Variants in HNRNPH3 observed in about 807,000 individuals in gnomAD.
HNRNPH3 encodes the protein heterogeneous nuclear ribonucleoprotein H3.
A neutral mutation model predicts 47.0 loss-of-function variants in HNRNPH3; 7 were observed. The observed-to-expected ratio is 0.15, with a 90% CI of 0.08 to 0.28. The LOEUF (loss-of-function observed/expected upper bound fraction) is 0.28, where lower values mean the gene tolerates loss of function less well. Ranked by LOEUF, HNRNPH3 falls within the 10% of genes least tolerant of loss-of-function variation. HNRNPH3 has a pLI of 1.00. For missense variants in HNRNPH3, 279 were observed against 449.6 expected (o/e 0.62, Z 3.43); for synonymous variants, 120 against 143.2 (o/e 0.84, Z 1.16).
intron 6 of HNRNPH3, among the ~76,000 whole-genome samples, chr10:68,340,381 T>G (rs569688537): frequency 6.6e-5 from 10 of 152,312 alleles, no homozygotes; most frequent in African/African-American, 2.2e-4. Flanking sequence ...TGGTTTGGCT[T>G]TCTAGGCTAG....
At chr10:68,334,088 T>A (rs2045393668) in intron 1 of HNRNPH3, among the ~76,000 whole-genome samples, 1 of 152,200 alleles carries the variant, frequency 6.6e-6, no homozygotes, top group Non-Finnish European at 1.5e-5. Flanking sequence ...CTGACTGAAC[T>A]GCAGTAGATA....
At chr10:68,340,939 T>C (rs1315221388) in intron 6 of HNRNPH3, among the ~76,000 whole-genome samples, 1 of 152,130 alleles carries the variant, frequency 6.6e-6, no homozygotes, top group Non-Finnish European at 1.5e-5. Context: ...GTAGCTGGGA[T>C]TACAGGCGTG....
intron 5 of HNRNPH3, 50 bp downstream of exon 5, chr10:68,339,276 T>C: frequency 6.3e-7 from 1 of 1,585,368 alleles, no homozygotes; most frequent in Non-Finnish European, 8.6e-7. Context: ...TTTTAGTATT[T>C]GCTTTGCAAG....
At chr10:68,341,707 G>C (rs1326623952) in intron 8 of HNRNPH3, 27 bp downstream of exon 8, 2 of 1,583,518 alleles carry the variant, frequency 1.3e-6, no homozygotes, top group African/African-American at 2.7e-5. Flanking sequence ...AAATATGCAG[G>C]GTTAGCTGCT....
At chr10:68,332,888 A>C (rs2045271559) in intron 1 of HNRNPH3, 1 of 152,186 alleles carries the variant, frequency 6.6e-6, no homozygotes, top group Non-Finnish European at 1.5e-5. Context: ...TCAACTCCCA[A>C]ATCCAGGACA....
At chr10:68,341,554 T>TGAA (rs1257216243) in intron 7 of HNRNPH3, 31 bp from the exon 8 acceptor site, 8 of 1,409,282 alleles carry the variant, frequency 5.7e-6, no homozygotes, top group Non-Finnish European at 7.9e-6. Context: ...CATTCCTTTC[T>TGAA]CCCCTGTTAC....
chr10:68,333,539 A>G (rs1354991459), intron 1 of HNRNPH3, among the ~76,000 whole-genome samples: 3 of 152,114 alleles, frequency 2.0e-5, no homozygotes, highest in Non-Finnish European at 4.4e-5. Context: ...GTAGCTAGGC[A>G]TGTTTTTTCT....
chr10:68,338,982 C>T (rs1487582505), intron 4 of HNRNPH3, 158 bp from the exon 5 acceptor site: 1 of 559,938 alleles, frequency 1.8e-6, no homozygotes, highest in African/African-American at 1.9e-5. Context: ...TTTTAAATTT[C>T]CATCACGTTG....
Position 68,339,150 on chromosome 10 carries a change from T to C in HNRNPH3, c.447T>C (p.Gly149=). 1 of 1,608,460 alleles carries C rather than the reference T, an allele frequency of 6.2e-7. No individual in the cohort carries two copies. The highest frequency in any genetic ancestry group is 1.7e-5 in the Admixed American group (1 of 59,966). ...CCTTAAATTACACAGGTTATGGAGG[T>C]TTTGATGACTATGGTGGCTATAATA... ...GGDGYDGGYG[G]FDDYGGYNNY... Residue 149 remains glycine (G), a synonymous_variant, in exon 5 of 10, where the codon GGT becomes GGC. Transcript: ENST00000265866.
At chr10:68,340,144 T>C (rs1404661619) in intron 6 of HNRNPH3, among the ~76,000 whole-genome samples, 3 of 151,940 alleles carry the variant, frequency 2.0e-5, no homozygotes, top group African/African-American at 7.3e-5. Context: ...AAGTTATTCT[T>C]CTGCCTCAGC....
At position 68,339,336 on chromosome 10, in the gene HNRNPH3, T is replaced by A. The variant is rs954851139; in HGVS notation, c.524-104T>A. ...TGTATAAAGTTAATTCAGACAAATTTCAGTGCATTCCTATATAGAGCTTTA... is the reference window on the plus strand; with the variant it reads ...TGTATAAAGTTAATTCAGACAAATTACAGTGCATTCCTATATAGAGCTTTA... On this transcript the variant is annotated intron_variant, in intron 5 of 9. Coordinates refer to ENST00000265866, the MANE Select transcript of HNRNPH3 (RefSeq NM_012207.3). 3.2e-6 allele frequency: 5 copies of A among 1,542,260 alleles called. No individual in the cohort carries two copies. The African/African-American group carries it at 6.9e-5, about 21-fold the overall frequency.
Position 68,332,170 on chromosome 10 carries a change from A to C in HNRNPH3, c.-70A>C, listed in dbSNP as rs2134599636. Reference sequence around the variant, plus strand: ...GGCAAACGACTTCTCCCTTCTTTGAACTGGACCCCGCGAGCACCAGAGTCG... The same window carrying C: ...GGCAAACGACTTCTCCCTTCTTTGACCTGGACCCCGCGAGCACCAGAGTCG... On this transcript the variant is annotated 5_prime_UTR_variant, in exon 1 of 10. Transcript: ENST00000265866. The C allele has an allele frequency of 6.6e-6, 1 of 152,404 alleles. No individual in the cohort carries two copies. Among genetic ancestry groups the C allele is most frequent in the Admixed American group, 6.5e-5 (1 of 15,302 alleles). 9.4% of individuals were successfully genotyped at this position (152,404 alleles called of 1,614,324 possible). A position where few individuals can be genotyped will look rare whatever the true frequency, so the allele number is the denominator to read the frequency against.
chr10:68,341,114 T>G, intron 6 of HNRNPH3, 60 bp from the exon 7 acceptor site: 2 of 1,185,106 alleles, frequency 1.7e-6, no homozygotes, highest in Non-Finnish European at 1.2e-6. Flanking sequence ...AATCAAGGTA[T>G]GTGGTAATTT....
intron 1 of HNRNPH3, among the ~76,000 whole-genome samples, chr10:68,334,562 T>TA (rs1229836780): frequency 1.4e-4 from 21 of 152,224 alleles, no homozygotes; most frequent in African/African-American, 5.1e-4. Context: ...CCATACCCTT[T>TA]ACTGGTCATT....
chr10:68,336,517 A>C (rs1181565918), intron 1 of HNRNPH3, among the ~76,000 whole-genome samples: 1 of 152,204 alleles, frequency 6.6e-6, no homozygotes, highest in Non-Finnish European at 1.5e-5. Flanking sequence ...TCAAAAACAC[A>C]GGTACTGTTG....
intron 1 of HNRNPH3, chr10:68,333,169 T>G (rs1020607475): frequency 6.6e-5 from 10 of 151,302 alleles, no homozygotes; most frequent in African/African-American, 2.4e-4. Flanking sequence ...ACTTCGGGGA[T>G]GATTTTGTGA....
chr10:68,342,181 T>C lies in HNRNPH3; in HGVS notation c.*127T>C. On this transcript the variant is annotated 3_prime_UTR_variant, in exon 10 of 10. Coordinates refer to ENST00000265866, the MANE Select transcript of HNRNPH3 (RefSeq NM_012207.3). Reference sequence around the variant, plus strand: ...GAAGGAATGTGTTTTCAAAATATTATTTGGTAAAGCAACAGATTGTGATGG... The same window carrying C: ...GAAGGAATGTGTTTTCAAAATATTACTTGGTAAAGCAACAGATTGTGATGG... 1.6e-6 allele frequency: 1 copy of C among 633,306 alleles called. No individual in the cohort carries two copies. The highest frequency in any genetic ancestry group is 3.0e-5 in the East Asian group (1 of 32,922). 39.2% of individuals were successfully genotyped at this position (633,306 alleles called of 1,614,324 possible). A position where few individuals can be genotyped will look rare whatever the true frequency, so the allele number is the denominator to read the frequency against.
rs2045617966 is a variant in HNRNPH3 at position 68,337,764 on chromosome 10, T to C, written c.113-94T>C. ...TAAGCTTTTTTGTTTTGTTTTGTTT[T>C]GTTTAGACTTGTTTTAAATATTTGA... On this transcript the variant is annotated intron_variant, in intron 2 of 9. Transcript: ENST00000265866. The surrounding 1 kb of genome is among the most constrained non-coding windows in gnomAD (Gnocchi z 4.5). 5 of 1,146,360 alleles carry C rather than the reference T, an allele frequency of 4.4e-6. No individual in the cohort carries two copies. The South Asian group carries it at 8.9e-5, about 20-fold the overall frequency. 71.0% of individuals were successfully genotyped at this position (1,146,360 alleles called of 1,614,324 possible).
intron 7 of HNRNPH3, 42 bp from the exon 8 acceptor site, chr10:68,341,540 CCAT>C (rs2045941600): frequency 7.8e-7 from 1 of 1,282,844 alleles, no homozygotes; most frequent in South Asian, 1.3e-5. Flanking sequence ...TGAATTTTAT[CCAT>C]CATTCCTTTC....
Sources: gnomAD v4.1 joint callset for allele counts (sites outside exome capture counted in the v4.1 genomes callset) on GRCh38, gnomAD v4.1.1 for gene constraint, Gnocchi (gnomAD v3.1) non-coding constraint, MANE v1.5 for transcripts, NCBI Gene and HGNC (gene_info 2026-07-23, HGNC 2026-07-21) for gene names.